Variants in MALRD1 observed in about 807,000 individuals in gnomAD.
MALRD1 encodes MAM and LDL-receptor class A domain-containing protein 1.
In MALRD1, 247 loss-of-function variants were observed where a neutral mutation model predicts 242.1. The observed-to-expected ratio is 1.02, with a 90% confidence interval of 0.92 to 1.13. The LOEUF is 1.13. MALRD1 is among the 50% of genes most tolerant of loss of function. The probability of loss-of-function intolerance (pLI) is 0.00; values close to 1 mark genes in which losing one functional copy is unlikely to be tolerated. For missense variants in MALRD1, 2,989 were observed against 2,533.1 expected, an observed-to-expected ratio of 1.18 and a Z score of -3.86; for synonymous variants, 995 against 866.6, an observed-to-expected ratio of 1.15 and a Z score of -2.60.
intron 24 of MALRD1, among the ~76,000 whole-genome samples, chr10:19,332,079 TG>T (rs1843399947): frequency 6.6e-6 from 1 of 152,052 alleles, no homozygotes; most frequent in Non-Finnish European, 1.5e-5. Context: ...TTGGCCAGGA[TG>T]GTCTTGATCT....
chr10:19,369,547 A>C (rs896515906), intron 26 of MALRD1, among the ~76,000 whole-genome samples: 2 of 149,216 alleles, frequency 1.3e-5, no homozygotes. Flanking sequence ...CAAATATTTA[A>C]ATATATTTAC....
intron 21 of MALRD1, among the ~76,000 whole-genome samples, chr10:19,306,550 A>T (rs1310269215): frequency 6.7e-6 from 1 of 148,274 alleles, no homozygotes; most frequent in East Asian, 2.0e-4. Flanking sequence ...TATAGTATAT[A>T]TATAGTATGG....
chr10:19,155,295 A>C (rs879513657), intron 12 of MALRD1, 123 bp downstream of exon 12: 32 of 438,956 alleles, frequency 7.3e-5, no homozygotes, highest in Non-Finnish European at 1.1e-4. Flanking sequence ...TAAGAGATTT[A>C]CATGCGCTAT....
chr10:19,483,589 A>G (rs1837110976), intron 29 of MALRD1, among the ~76,000 whole-genome samples: 1 of 152,200 alleles, frequency 6.6e-6, no homozygotes, highest in African/African-American at 2.4e-5. Flanking sequence ...AGCCACAATG[A>G]GATACCATTT....
chr10:19,424,350 G>A (rs1272532941), intron 28 of MALRD1, among the ~76,000 whole-genome samples: 1 of 151,988 alleles, frequency 6.6e-6, no homozygotes. Context: ...AGTAGAGATG[G>A]GGTTTCGCCA....
chr10:19,097,773 G>A (rs182257703), intron 4 of MALRD1, among the ~76,000 whole-genome samples: 3 of 152,138 alleles, frequency 2.0e-5, no homozygotes, highest in African/African-American at 7.2e-5. Flanking sequence ...CTGGTATCCC[G>A]ATACATTGAG....
chr10:19,613,452 T>C (rs1255587397), intron 35 of MALRD1, among the ~76,000 whole-genome samples: 1 of 152,004 alleles, frequency 6.6e-6, no homozygotes, highest in East Asian at 1.9e-4. Context: ...GTGTGGCCAT[T>C]ATCCTCGACT....
At chr10:19,677,647 G>A (rs1006595435) in intron 36 of MALRD1, among the ~76,000 whole-genome samples, 6 of 152,070 alleles carry the variant, frequency 3.9e-5, no homozygotes, top group Middle Eastern at 3.2e-3. Flanking sequence ...ACTTTCTTTT[G>A]CTGTGCAGAA....
In MALRD1 at chr10:19,102,834, A is replaced by G. The variant is rs555737060; in HGVS notation, c.598-1145A>G. Among the ~76,000 whole-genome samples the G allele has an allele frequency of 2.8e-4, 41 of 147,202 alleles. 1 individual carries two copies. The highest frequency in any genetic ancestry group is 2.7e-3 in the Admixed American group (38 of 14,320). On this transcript the variant is annotated intron_variant, in intron 4 of 39. Transcript: ENST00000454679. ...GTGTCTTGGGCGGGCTCCACATCCT[A>G]ATGTCACGTTCAGTCATTTCTTCTT...
At chr10:19,175,554 C>T (rs1254904441) in intron 14 of MALRD1, among the ~76,000 whole-genome samples, 2 of 150,264 alleles carry the variant, frequency 1.3e-5, no homozygotes, top group East Asian at 1.9e-4. Context: ...TCTATGCTTG[C>T]AGCTGAAATT....
chr10:19,087,897 G>C lies in MALRD1; in HGVS notation c.398G>C (p.Arg133Thr). Residue 133 changes from arginine to threonine, a missense_variant, in exon 3 of 40, where the codon AGA (arginine) becomes ACA (threonine). By Grantham distance (71) the Arg-to-Thr change is moderately conservative. Coordinates refer to ENST00000454679, the MANE Select transcript of MALRD1 (RefSeq NM_001142308.3). ...TCTATTTCCTCAAGTTTAAGAAGCA[G>C]AGTTTTCCTTCCAACAAATGATCAA... ...VDSISSSLRS[R>T]VFLPTNDQHD... The C allele has an allele frequency of 1.6e-6, 2 of 1,233,314 alleles. No individual in the cohort carries two copies. Among genetic ancestry groups the C allele is most frequent in the Non-Finnish European group, 2.0e-6 (2 of 987,808 alleles). The allele number at this position is 1,233,314 out of a possible 1,614,324, so 76.4% of individuals were successfully genotyped here. A position where few individuals can be genotyped will look rare whatever the true frequency, so the allele number is the denominator to read the frequency against.
intron 2 of MALRD1, among the ~76,000 whole-genome samples, chr10:19,073,841 G>T (rs1461605818): frequency 6.6e-6 from 1 of 152,062 alleles, no homozygotes; most frequent in East Asian, 1.9e-4. Flanking sequence ...TTGGAAGAAA[G>T]AAAAGGGTAC....
intron 34 of MALRD1, among the ~76,000 whole-genome samples, chr10:19,599,723 A>G (rs1838263519): frequency 6.6e-6 from 1 of 152,156 alleles, no homozygotes; most frequent in Non-Finnish European, 1.5e-5. Context: ...GGGGGGTTTT[A>G]TCACCTGTAG....
chr10:19,669,039 T>C (rs534170372), intron 36 of MALRD1, among the ~76,000 whole-genome samples: 1 of 152,300 alleles, frequency 6.6e-6, no homozygotes, highest in African/African-American at 2.4e-5. Context: ...GCACTATCCA[T>C]AAAGATTATC....
At chr10:19,658,375 G>T (rs56920352) in intron 36 of MALRD1, among the ~76,000 whole-genome samples, 2,782 of 152,144 alleles carry the variant, frequency 0.018, 50 homozygotes, top group East Asian at 0.035. Context: ...AATGCATATA[G>T]AAGTTATTTG....
chr10:19,687,219 T>C (rs1842616749), intron 36 of MALRD1, among the ~76,000 whole-genome samples: 1 of 152,244 alleles, frequency 6.6e-6, no homozygotes, highest in Non-Finnish European at 1.5e-5. Context: ...ATGGTCTTTA[T>C]GGATCTTTTT....
intron 14 of MALRD1, among the ~76,000 whole-genome samples, chr10:19,176,762 G>T (rs551823694): frequency 6.6e-6 from 1 of 152,186 alleles, no homozygotes; most frequent in South Asian, 2.1e-4. Context: ...TAAGCTCTGC[G>T]CATGTGTTCA....
At chr10:19,249,262 G>T (rs1345970406) in intron 18 of MALRD1, among the ~76,000 whole-genome samples, 3 of 151,728 alleles carry the variant, frequency 2.0e-5, no homozygotes, top group African/African-American at 4.8e-5. Flanking sequence ...TGGCAAAACT[G>T]TATAAATGTA....
chr10:19,164,426 T>TA (rs1564434494), intron 12 of MALRD1, among the ~76,000 whole-genome samples: 3 of 152,180 alleles, frequency 2.0e-5, no homozygotes, highest in Non-Finnish European at 4.4e-5. Context: ...AAACATTTTT[T>TA]AAAAAGAATT....
Sources: allele counts gnomAD v4.1 joint callset (sites outside exome capture counted in the v4.1 genomes callset), GRCh38; gene constraint gnomAD v4.1.1; transcripts MANE v1.5; gene names NCBI Gene and HGNC (gene_info 2026-07-23, HGNC 2026-07-21).